The following NRXN1 variants were observed in gnomAD, a reference collection of about 807,000 sequenced individuals.
NRXN1 encodes the protein neurexin 1, also known as neurexin-1.
Under a neutral mutation model 150.9 loss-of-function variants are expected in NRXN1, and 39 were observed. The observed-to-expected ratio is 0.26, with a 90% confidence interval of 0.20 to 0.34. NRXN1 has a LOEUF of 0.34. NRXN1 is among the 10% of genes least tolerant of loss of function. The pLI is 1.00. For missense variants in NRXN1, 1,815 were observed against 1,949.9 expected (o/e 0.93, Z 1.30); for synonymous variants, 924 against 757.0 (o/e 1.22, Z -3.62).
intron 17 of NRXN1, among the ~76,000 whole-genome samples, chr2:50,352,315 A>G (rs557390074): frequency 6.6e-6 from 1 of 152,232 alleles, no homozygotes; most frequent in East Asian, 1.9e-4. Context: ...CATATTACAA[A>G]AATCAACCTT....
intron 5 of NRXN1, among the ~76,000 whole-genome samples, chr2:50,687,045 A>G (rs1343502367): frequency 6.6e-6 from 1 of 152,190 alleles, no homozygotes; most frequent in Non-Finnish European, 1.5e-5. Context: ...TTAGCGTCAA[A>G]TTGAAAGAGA....
chr2:50,730,895 G>C (rs1698020580), intron 5 of NRXN1, among the ~76,000 whole-genome samples: 1 of 151,784 alleles, frequency 6.6e-6, no homozygotes, highest in Non-Finnish European at 1.5e-5. Flanking sequence ...GGATGGTCTG[G>C]ATCTCCTGAC....
intron 2 of NRXN1, among the ~76,000 whole-genome samples, chr2:50,994,342 C>T (rs547992702): frequency 3.3e-4 from 50 of 152,000 alleles, no homozygotes; most frequent in Non-Finnish European, 6.9e-4. Context: ...AAGGAATACA[C>T]TTATTAAAAG....
At position 50,512,311 on chromosome 2, in the gene NRXN1, C is replaced by G. The variant is rs530474742; in HGVS notation, c.2375-5694G>C. ...TCTTCTACCCAAGAATTACTACACT[C>G]AAGTGAAGCCAGAGGACAATATTAA... On this transcript the variant is annotated intron_variant, in intron 12 of 22. Transcript: ENST00000401669. 1.3e-4 allele frequency among the ~76,000 whole-genome samples: 20 copies of G among 152,272 alleles called. No individual in the cohort carries two copies. The East Asian group carries it at 3.3e-3, about 25-fold the overall frequency.
intron 9 of NRXN1, among the ~76,000 whole-genome samples, chr2:50,541,648 G>A (rs978243): frequency 0.44 from 66,418 of 151,686 alleles, 16,849 homozygotes; most frequent in African/African-American, 0.71. Flanking sequence ...CACGGTCATA[G>A]AGACCACAAT....
chr2:50,680,385 T>C (rs1690200663), intron 5 of NRXN1, among the ~76,000 whole-genome samples: 1 of 152,080 alleles, frequency 6.6e-6, no homozygotes, highest in African/African-American at 2.4e-5. Flanking sequence ...GTGACTTAGC[T>C]TTAAAATTAA....
intron 15 of NRXN1, among the ~76,000 whole-genome samples, chr2:50,477,341 G>A (rs1483433613): frequency 1.3e-5 from 2 of 152,152 alleles, no homozygotes; most frequent in Non-Finnish European, 2.9e-5. Flanking sequence ...GTAATAATCC[G>A]GAGGAGAAAT....
At chr2:50,163,733 G>A (rs2059506391) in intron 18 of NRXN1, among the ~76,000 whole-genome samples, 1 of 152,044 alleles carries the variant, frequency 6.6e-6, no homozygotes, top group Admixed American at 6.6e-5. Flanking sequence ...ACTTTTTCTT[G>A]ACGTGTGTTA....
chr2:50,135,139 T>C (rs567520771), intron 18 of NRXN1, among the ~76,000 whole-genome samples: 1 of 152,348 alleles, frequency 6.6e-6, no homozygotes, highest in East Asian at 1.9e-4. Context: ...TGCTTACTGT[T>C]ACTTAAGATT....
intron 5 of NRXN1, among the ~76,000 whole-genome samples, chr2:50,685,191 T>C (rs950526550): frequency 1.6e-4 from 25 of 152,348 alleles, no homozygotes; most frequent in African/African-American, 5.8e-4. Context: ...ACTTCTAAGA[T>C]GCTATTTTGG....
intron 17 of NRXN1, among the ~76,000 whole-genome samples, chr2:50,263,179 C>CAG (rs2068483250): frequency 1.3e-5 from 2 of 151,440 alleles, no homozygotes; most frequent in African/African-American, 2.4e-5. Flanking sequence ...CACACACACA[C>CAG]ACACACACAC....
At chr2:50,028,479 G>GA (rs1240473388) in intron 21 of NRXN1, among the ~76,000 whole-genome samples, 3 of 152,160 alleles carry the variant, frequency 2.0e-5, no homozygotes, top group Admixed American at 6.5e-5. Flanking sequence ...CCTATAGAGA[G>GA]AAAATCAACA....
At chr2:50,931,349 A>C (rs1687719154) in intron 2 of NRXN1, among the ~76,000 whole-genome samples, 1 of 152,138 alleles carries the variant, frequency 6.6e-6, no homozygotes, top group South Asian at 2.1e-4. Context: ...ATCTAAGAAA[A>C]GGCAAAAATA....
intron 8 of NRXN1, among the ~76,000 whole-genome samples, chr2:50,569,500 A>C (rs896462718): frequency 3.3e-5 from 5 of 152,108 alleles, no homozygotes; most frequent in African/African-American, 1.2e-4. Context: ...GAAACCAGTC[A>C]AAATTTGTTA....
chr2:50,013,035 C>T (rs143907950), intron 21 of NRXN1, among the ~76,000 whole-genome samples: 91 of 152,158 alleles, frequency 6.0e-4, no homozygotes, highest in African/African-American at 2.0e-3. Context: ...ACAAAACCTA[C>T]ATTTGTTCAT....
chr2:50,047,594 C>T (rs1692019693), intron 21 of NRXN1, among the ~76,000 whole-genome samples: 1 of 152,040 alleles, frequency 6.6e-6, no homozygotes, highest in South Asian at 2.1e-4. Flanking sequence ...GATTAATATA[C>T]CAAAGTTTTA....
rs574915891 is a variant in NRXN1 at position 50,790,378 on chromosome 2, G to A, written c.832+131491C>T. On this transcript the variant is annotated intron_variant, in intron 5 of 22. Transcript: ENST00000401669. ...TCACTTGAGTCTTTCCTTTCCTCAG[G>A]CATTTCTAGATTTTGGGTCACCAAA... is the stretch of plus-strand genomic sequence containing the variant. Among the ~76,000 whole-genome samples the A allele has an allele frequency of 2.0e-5, 3 of 152,066 alleles. No homozygotes were observed. The East Asian group carries it at 5.8e-4, about 29-fold the overall frequency.
chr2:50,797,227 G>A (rs2105656883), intron 5 of NRXN1, among the ~76,000 whole-genome samples: 1 of 152,164 alleles, frequency 6.6e-6, no homozygotes, highest in Admixed American at 6.5e-5. Context: ...TTGTTATATG[G>A]AAGCTGAGGC....
chr2:50,480,392 A>G (rs1326538438), intron 15 of NRXN1, among the ~76,000 whole-genome samples: 1 of 152,126 alleles, frequency 6.6e-6, no homozygotes, highest in Non-Finnish European at 1.5e-5. Flanking sequence ...TTCTGGCTCT[A>G]TGCTGCTCCA....
Sources: gnomAD v4.1 joint callset for allele counts (sites outside exome capture counted in the v4.1 genomes callset) on GRCh38, gnomAD v4.1.1 for gene constraint, MANE v1.5 for transcripts, NCBI Gene and HGNC (gene_info 2026-07-23, HGNC 2026-07-21) for gene names.